Variants in PTPRO observed in about 807,000 individuals in gnomAD.
PTPRO encodes the protein receptor-type tyrosine-protein phosphatase O.
Under a neutral mutation model 145.2 loss-of-function variants are expected in PTPRO, and 62 were observed. That is an observed-to-expected ratio of 0.43 (90% CI 0.35 to 0.53). The LOEUF (loss-of-function observed/expected upper bound fraction) is 0.53. PTPRO is among the 20% of genes least tolerant of loss of function. The probability of loss-of-function intolerance (pLI) is 0.01; values close to 1 mark genes in which losing one functional copy is unlikely to be tolerated. For synonymous variants in PTPRO, 565 were observed against 514.7 expected, an observed-to-expected ratio of 1.10 and a Z score of -1.32; for missense variants, 1,345 against 1,482.7, an observed-to-expected ratio of 0.91 and a Z score of 1.53.
At position 15,322,678 on chromosome 12, in the gene PTPRO, G is replaced by C; in HGVS notation, c.-49G>C. 1 of 1,531,540 alleles carries C rather than the reference G, an allele frequency of 6.5e-7. No individual in the cohort carries two copies. The highest frequency in any genetic ancestry group is 8.9e-7 in the Non-Finnish European group (1 of 1,119,396). The allele number at this position is 1,531,540 out of a possible 1,614,324, so 94.9% of individuals were successfully genotyped here. On this transcript the variant is annotated 5_prime_UTR_variant, in exon 1 of 27. Coordinates refer to ENST00000281171, the MANE Select transcript of PTPRO (RefSeq NM_030667.3). This position sits in a 1 kb window ranked among gnomAD's most constrained non-coding sequence, Gnocchi z 6.3. ...AGTTCGCCATTGTGAGCCGCCGCCG[G>C]GGGAGTCCGCTAGCGCAGCCGTGCC...
intron 12 of PTPRO, chr12:15,546,329 A>G: frequency 2.2e-6 from 3 of 1,346,232 alleles, no homozygotes; most frequent in Non-Finnish European, 2.9e-6. Context: ...CTGAAGTAGA[A>G]AACAGAAGTG....
chr12:15,404,333 G>A (rs1357497875), intron 1 of PTPRO, among the ~76,000 whole-genome samples: 1 of 151,976 alleles, frequency 6.6e-6, no homozygotes, highest in African/African-American at 2.4e-5. Flanking sequence ...AGAGGAAAAT[G>A]GCATGTTATT....
chr12:15,443,858 A>G (rs757874819), intron 1 of PTPRO, among the ~76,000 whole-genome samples: 20 of 152,168 alleles, frequency 1.3e-4, no homozygotes, highest in Non-Finnish European at 2.2e-4. Flanking sequence ...GAGGCTGTGG[A>G]GAAAAGGGAA....
intron 11 of PTPRO, among the ~76,000 whole-genome samples, chr12:15,525,664 C>T (rs1420050681): frequency 6.6e-6 from 1 of 152,196 alleles, no homozygotes; most frequent in Non-Finnish European, 1.5e-5. Flanking sequence ...GTCATTTGTC[C>T]ATGTGACTTC....
chr12:15,557,530 A>G lies in PTPRO; in HGVS notation c.2627+7A>G. On this transcript the variant is annotated splice_region_variant and intron_variant, in intron 16 of 26. Transcript: ENST00000281171. ...GAAAGCTTCCATACAACTGGTGAGT[A>G]TTGTTTTGGAACAAGCTTCTACATA... 1.6e-5 allele frequency: 26 copies of G among 1,611,640 alleles called. No homozygotes were observed. Among genetic ancestry groups the G allele is most frequent in the Non-Finnish European group, 2.2e-5 (26 of 1,177,844 alleles).
At chr12:15,423,769 G>A (rs1037362129) in intron 1 of PTPRO, among the ~76,000 whole-genome samples, 16 of 152,090 alleles carry the variant, frequency 1.1e-4, no homozygotes, top group African/African-American at 3.9e-4. Context: ...ATAATCACAG[G>A]TTCATTCCTA....
At chr12:15,510,881 T>C (rs566447626) in intron 7 of PTPRO, among the ~76,000 whole-genome samples, 1 of 151,784 alleles carries the variant, frequency 6.6e-6, no homozygotes, top group South Asian at 2.1e-4. Flanking sequence ...TAAGAGTCCA[T>C]CATATACAGG....
chr12:15,578,129 T>G (rs560651825), intron 19 of PTPRO, among the ~76,000 whole-genome samples: 27 of 152,324 alleles, frequency 1.8e-4, no homozygotes, highest in African/African-American at 6.3e-4. Context: ...ATTTAGTGAC[T>G]GTTAATCCCA....
At chr12:15,581,207 C>T (rs1944306546) in intron 22 of PTPRO, among the ~76,000 whole-genome samples, 3 of 152,094 alleles carry the variant, frequency 2.0e-5, no homozygotes. Context: ...TGTTAGATAC[C>T]ACTGGTTTCA....
At chr12:15,388,647 G>A (rs1418288471) in intron 1 of PTPRO, among the ~76,000 whole-genome samples, 2 of 152,188 alleles carry the variant, frequency 1.3e-5, no homozygotes, top group Non-Finnish European at 2.9e-5. Flanking sequence ...TAGGAGGATA[G>A]ATAACAGCAT....
At chr12:15,524,157 T>TAAA (rs34287474) in intron 10 of PTPRO, among the ~76,000 whole-genome samples, 26,958 of 128,758 alleles carry the variant, frequency 0.21, 3,061 homozygotes, top group Admixed American at 0.31. Flanking sequence ...GCTTCGTGGC[T>TAAA]AAAAAAAAAA....
At chr12:15,342,689 T>C (rs1019822278) in intron 1 of PTPRO, among the ~76,000 whole-genome samples, 3 of 152,192 alleles carry the variant, frequency 2.0e-5, no homozygotes, top group Non-Finnish European at 2.9e-5. Flanking sequence ...GAAGTTTTCC[T>C]GTTAGACATC....
chr12:15,380,768 TA>T (rs1480081962), intron 1 of PTPRO, among the ~76,000 whole-genome samples: 1 of 152,200 alleles, frequency 6.6e-6, no homozygotes, highest in Non-Finnish European at 1.5e-5. Flanking sequence ...ACTAAAAATT[TA>T]AAGCTTTTTT....
At chr12:15,470,398 A>C (rs966718661) in intron 1 of PTPRO, among the ~76,000 whole-genome samples, 2 of 152,232 alleles carry the variant, frequency 1.3e-5, no homozygotes, top group Non-Finnish European at 2.9e-5. Flanking sequence ...TCTGAGGATC[A>C]AAGGAGAAAA....
At chr12:15,433,528 T>G (rs979093831) in intron 1 of PTPRO, among the ~76,000 whole-genome samples, 3 of 152,326 alleles carry the variant, frequency 2.0e-5, no homozygotes, top group Admixed American at 2.0e-4. Context: ...TTGAGTTGAT[T>G]TTTGTACACA....
intron 19 of PTPRO, among the ~76,000 whole-genome samples, chr12:15,570,221 A>T (rs941186054): frequency 6.6e-6 from 1 of 152,096 alleles, no homozygotes; most frequent in African/African-American, 2.4e-5. Flanking sequence ...CTCATAACAC[A>T]GTCTAAATGG....
At chr12:15,586,837 T>C (rs71581908) in intron 23 of PTPRO, 60 bp from the exon 24 acceptor site, 197 of 1,599,094 alleles carry the variant, frequency 1.2e-4, no homozygotes, top group African/African-American at 1.0e-3. Context: ...AGCAGAGTCC[T>C]GGGTCATCCT....
intron 19 of PTPRO, among the ~76,000 whole-genome samples, chr12:15,574,560 GTAGC>G (rs1944136454): frequency 6.6e-6 from 1 of 152,216 alleles, no homozygotes; most frequent in African/African-American, 2.4e-5. Context: ...ATTTCTGGTA[GTAGC>G]TTTTACTTGC....
In PTPRO at chr12:15,322,711, C is replaced by A; in HGVS notation, c.-16C>A. The A allele has an allele frequency of 6.2e-7, 1 of 1,607,532 alleles. No individual in the cohort carries two copies. The highest frequency in any genetic ancestry group is 1.8e-4 in the Middle Eastern group (1 of 5,624). ...CGCTAGCGCAGCCGTGCCCCCGAGT[C>A]CCCGTCCGCGCAGCGATGGGGCACC... On this transcript the variant is annotated 5_prime_UTR_variant, in exon 1 of 27. Transcript: ENST00000281171. The surrounding 1 kb of genome is among the most constrained non-coding windows in gnomAD (Gnocchi z 6.3).
Sources: gnomAD v4.1 joint callset for allele counts (sites outside exome capture counted in the v4.1 genomes callset) on GRCh38, gnomAD v4.1.1 for gene constraint, Gnocchi (gnomAD v3.1) non-coding constraint, MANE v1.5 for transcripts, NCBI Gene and HGNC (gene_info 2026-07-23, HGNC 2026-07-21) for gene names.